The following RAD51B variants were observed in gnomAD, a reference collection of about 807,000 sequenced individuals.
RAD51B encodes the protein DNA repair protein RAD51 homolog 2.
A neutral mutation model predicts 42.2 loss-of-function variants in RAD51B; 38 were observed. The observed-to-expected ratio is 0.90, with a 90% CI of 0.70 to 1.18. The LOEUF is 1.18. RAD51B is among the 50% of genes most tolerant of loss of function. The pLI is 0.00. For synonymous variants in RAD51B, 154 were observed against 145.2 expected, an observed-to-expected ratio of 1.06 and a Z score of -0.43; for missense variants, 373 against 400.7, an observed-to-expected ratio of 0.93 and a Z score of 0.59.
rs59348577 is a variant in RAD51B, at chr14:68,465,940, CAAAA to C, written c.958-2221_958-2218del. On this transcript the variant is annotated intron_variant, in intron 9 of 10. Transcript: ENST00000471583. The stretch of plus-strand genomic sequence containing the variant: ...TGGGTGACAGAGCTAGACTCTGTCT[CAAAA>C]AAAAAAAAAATAAATAAATAAATAA... Among the ~76,000 whole-genome samples, 635 of 129,322 alleles carry C rather than the reference CAAAA, an allele frequency of 4.9e-3. 3 individuals are homozygous for C. Among genetic ancestry groups the C allele is most frequent in the African/African-American group, 0.017 (528 of 31,206 alleles). 84.8% of individuals were successfully genotyped at this position (129,322 alleles called of 152,430 possible).
At chr14:68,331,170 T>A (rs2082339346) in intron 8 of RAD51B, among the ~76,000 whole-genome samples, 1 of 151,812 alleles carries the variant, frequency 6.6e-6, no homozygotes, top group African/African-American at 2.4e-5. Context: ...AAGACCAGCC[T>A]GGCTAACAGG....
chr14:68,487,021 G>A (rs1023600228), intron 10 of RAD51B, among the ~76,000 whole-genome samples: 1 of 152,242 alleles, frequency 6.6e-6, no homozygotes, highest in South Asian at 2.1e-4. Flanking sequence ...TTAGGTGACT[G>A]CCTGTTCAGA....
intron 5 of RAD51B, among the ~76,000 whole-genome samples, chr14:67,873,135 C>G (rs1473476979): frequency 1.3e-5 from 2 of 152,104 alleles, no homozygotes; most frequent in African/African-American, 4.8e-5. Context: ...AAGAAACTAC[C>G]ATCAGAGTGA....
chr14:68,040,189 G>T (rs2076197001), intron 7 of RAD51B, among the ~76,000 whole-genome samples: 1 of 152,154 alleles, frequency 6.6e-6, no homozygotes, highest in African/African-American at 2.4e-5. Context: ...TGACCAGAAA[G>T]AATTGAACTG....
intron 7 of RAD51B, among the ~76,000 whole-genome samples, chr14:67,923,298 CTTTT>C (rs34809964): frequency 7.3e-5 from 9 of 123,654 alleles, no homozygotes; most frequent in African/African-American, 2.3e-4. Flanking sequence ...TTTTCTTTTT[CTTTT>C]TTTTTTTTTT....
At chr14:68,358,651 TGTATA>T in intron 8 of RAD51B, among the ~76,000 whole-genome samples, 1 of 152,292 alleles carries the variant, frequency 6.6e-6, no homozygotes, top group African/African-American at 2.4e-5. Flanking sequence ...ATTGCCCACT[TGTATA>T]GTATTTCTCC....
chr14:68,151,497 T>C (rs1414910083), intron 7 of RAD51B, among the ~76,000 whole-genome samples: 1 of 152,126 alleles, frequency 6.6e-6, no homozygotes, highest in Non-Finnish European at 1.5e-5. Flanking sequence ...CAAATATTTT[T>C]CTTCTCTCTC....
chr14:67,825,916 G>C (rs2040817322), intron 3 of RAD51B, among the ~76,000 whole-genome samples: 1 of 151,980 alleles, frequency 6.6e-6, no homozygotes, highest in Non-Finnish European at 1.5e-5. Context: ...TATTAGTAGA[G>C]ATGGGATTTC....
intron 7 of RAD51B, among the ~76,000 whole-genome samples, chr14:68,000,731 G>A (rs1361953095): frequency 6.6e-6 from 1 of 152,088 alleles, no homozygotes; most frequent in Non-Finnish European, 1.5e-5. Context: ...TCATGGAGAA[G>A]GGCTATTATC....
intron 8 of RAD51B, among the ~76,000 whole-genome samples, chr14:68,407,564 C>T (rs1169856883): frequency 1.3e-5 from 2 of 152,134 alleles, no homozygotes; most frequent in African/African-American, 4.8e-5. Context: ...CTGTCATTTG[C>T]TGAAACATCA....
downstream of RAD51B, among the ~76,000 whole-genome samples, chr14:68,600,702 AT>A (rs1397898392): frequency 1.3e-5 from 2 of 152,164 alleles, no homozygotes; most frequent in African/African-American, 4.8e-5. Flanking sequence ...CATGCCTTAT[AT>A]TTATAAAGGC....
chr14:68,266,187 T>C (rs549089741), intron 7 of RAD51B, among the ~76,000 whole-genome samples: 7 of 152,356 alleles, frequency 4.6e-5, no homozygotes, highest in Admixed American at 3.9e-4. Flanking sequence ...GGTTCATTAC[T>C]GAACCCTATA....
intron 7 of RAD51B, among the ~76,000 whole-genome samples, chr14:68,209,508 A>G (rs188161042): frequency 1.2e-4 from 19 of 152,294 alleles, no homozygotes; most frequent in Admixed American, 1.0e-3. Flanking sequence ...GAGTTTTTCC[A>G]TGAGCATTTT....
chr14:68,598,198 A>T (rs1204058726), downstream of RAD51B, among the ~76,000 whole-genome samples: 1 of 152,156 alleles, frequency 6.6e-6, no homozygotes, highest in Admixed American at 6.5e-5. Context: ...CTTCCTGTTG[A>T]TATCATTGTC....
chr14:68,276,438 C>T (rs892707777), intron 7 of RAD51B, among the ~76,000 whole-genome samples: 6 of 152,098 alleles, frequency 3.9e-5, no homozygotes, highest in African/African-American at 1.4e-4. Context: ...AGAAAAATAT[C>T]AGTCTTATCT....
chr14:68,483,644 G>A (rs936762471), intron 10 of RAD51B, among the ~76,000 whole-genome samples: 4 of 152,156 alleles, frequency 2.6e-5, no homozygotes, highest in Admixed American at 2.0e-4. Flanking sequence ...CATGATGCAC[G>A]TTCCTTCAAA....
chr14:68,251,877 C>A (rs997366576), intron 7 of RAD51B, among the ~76,000 whole-genome samples: 3 of 152,154 alleles, frequency 2.0e-5, no homozygotes, highest in Non-Finnish European at 4.4e-5. Flanking sequence ...CACCAGTGTC[C>A]GTTATGACTG....
chr14:68,524,797 G>A (rs1451128893), intron 10 of RAD51B, among the ~76,000 whole-genome samples: 1 of 152,196 alleles, frequency 6.6e-6, no homozygotes, highest in Admixed American at 6.5e-5. Context: ...AACCATTTAT[G>A]TGATTTCCAG....
chr14:68,636,402 G>A (rs986033781), intron 10 of RAD51B, among the ~76,000 whole-genome samples: 1 of 152,054 alleles, frequency 6.6e-6, no homozygotes, highest in Non-Finnish European at 1.5e-5. Context: ...GGCCAACATG[G>A]TGAAACCACG....
Sources: allele counts gnomAD v4.1 joint callset (sites outside exome capture counted in the v4.1 genomes callset), GRCh38; gene constraint gnomAD v4.1.1; transcripts MANE v1.5; gene names NCBI Gene and HGNC (gene_info 2026-07-23, HGNC 2026-07-21).